Variants in CAD observed in about 807,000 individuals in gnomAD.
The protein encoded by CAD is carbamoyl-phosphate synthetase 2, aspartate transcarbamylase, and dihydroorotase.
A neutral mutation model predicts 237.2 loss-of-function variants in CAD; 81 were observed. The observed-to-expected ratio is 0.34, with a 90% CI of 0.29 to 0.41. The LOEUF (loss-of-function observed/expected upper bound fraction) is 0.41, where lower values mean the gene tolerates loss of function less well. Among genes scored for constraint, CAD ranks in the 10% least tolerant of loss-of-function variants. CAD has a pLI of 1.00. For missense variants in CAD, 2,181 were observed against 2,951.7 expected (o/e 0.74, Z 6.05); for synonymous variants, 1,196 against 1,162.8 (o/e 1.03, Z -0.58).
At chr2:27,223,352 A>C (rs1338523914) in intron 6 of CAD, among the ~76,000 whole-genome samples, 1 of 151,080 alleles carries the variant, frequency 6.6e-6, no homozygotes, top group East Asian at 1.9e-4. Context: ...AATCGCTTGA[A>C]CCTGGGAGGT....
At position 27,235,225 on chromosome 2, in the gene CAD, C is replaced by T. The variant is rs776835647; in HGVS notation, c.3787-20C>T. On this transcript the variant is annotated intron_variant, in intron 23 of 43. Coordinates refer to ENST00000264705, the MANE Select transcript of CAD (RefSeq NM_004341.5). The surrounding 1 kb of genome is among the most constrained non-coding windows in gnomAD (Gnocchi z 5.2). ...GTCCTCTCACACCTTGGCCCTCTCT[C>T]TTCCCTCCCGCCCCTTTAGGTGCCT... The T allele has an allele frequency of 6.9e-6, 11 of 1,585,592 alleles. No individual in the cohort carries two copies. Among genetic ancestry groups the T allele is most frequent in the South Asian group, 6.9e-5 (6 of 86,616 alleles).
chr2:27,218,714 C>T (rs891673355), intron 2 of CAD, among the ~76,000 whole-genome samples: 3 of 152,012 alleles, frequency 2.0e-5, no homozygotes, highest in African/African-American at 7.2e-5. Context: ...ATTCCTTCAC[C>T]TCTGAAATTT....
At position 27,242,431 on chromosome 2, in the gene CAD, AG is replaced by A; in HGVS notation, c.6222+7del. 2 of 1,612,750 alleles carry A rather than the reference AG, an allele frequency of 1.2e-6. No homozygotes were observed. The highest frequency in any genetic ancestry group is 1.7e-6 in the Non-Finnish European group (2 of 1,179,238). On this transcript the variant is annotated splice_donor_5th_base_variant and intron_variant, in intron 40 of 43. Transcript: ENST00000264705. This position sits in a 1 kb window ranked among gnomAD's most constrained non-coding sequence, Gnocchi z 6.4. ...GGGAACTGTCAATGGCATGACGGTG[AG>A]GGTGGTGGCAGGGTTTGGATCCCTG...
chr2:27,219,367 G>T (rs1675038577), intron 2 of CAD, among the ~76,000 whole-genome samples: 1 of 150,526 alleles, frequency 6.6e-6, no homozygotes, highest in African/African-American at 2.5e-5. Context: ...TTGGGGACAA[G>T]GTCTCACTTT....
chr2:27,217,962 G>T lies in CAD; in HGVS notation c.168G>T (p.Leu56=), dbSNP rs761616821. 6.2e-7 allele frequency: 1 copy of T among 1,612,564 alleles called. No homozygotes were observed. The highest frequency in any genetic ancestry group is 1.3e-5 in the African/African-American group (1 of 74,954). ...AGATCTTAGTGCTCACCTATCCTCT[G>T]ATCGGCAACTATGGCATCCCCCCAG... ...KAQILVLTYP[L]IGNYGIPPDE... is the part of the protein sequence containing the mutation. Residue 56 remains leucine, a synonymous_variant, in exon 2 of 44, where the codon CTG becomes CTT. Transcript: ENST00000264705.
intron 2 of CAD, among the ~76,000 whole-genome samples, chr2:27,220,822 G>T (rs1484032052): frequency 6.6e-6 from 1 of 152,164 alleles, no homozygotes; most frequent in Non-Finnish European, 1.5e-5. Context: ...GCCGGGTGTG[G>T]TGGCGGGCGC....
Position 27,232,249 on chromosome 2 carries a change from C to A in CAD, c.2645+25C>A, listed in dbSNP as rs760657353. The A allele has an allele frequency of 1.9e-6, 3 of 1,611,288 alleles. No individual in the cohort carries two copies. In the South Asian group the frequency reaches 3.3e-5, roughly 18 times the overall value. ...GGTCAGAGGTGGCAATGAGAGCTTC[C>A]GGCTGGGAAATGTGGGGCAGAACCT... On this transcript the variant is annotated intron_variant, in intron 17 of 43. Transcript: ENST00000264705. This position sits in a 1 kb window ranked among gnomAD's most constrained non-coding sequence, Gnocchi z 4.1.
rs1298579480 is a variant in CAD, at chr2:27,234,168, A to G, written c.3560A>G (p.His1187Arg). The change falls in exon 22 of 44, where the codon CAT becomes CGT. Residue 1187 changes from histidine to arginine, a missense_variant. Transcript: ENST00000264705. The part of the protein sequence containing the change: ...KTLERIKAIV[H>R]AVGQELQVTG... The stretch of plus-strand genomic sequence containing the variant: ...CTGGAGCGGATCAAAGCCATTGTGC[A>G]TGCTGTGGGCCAGGAGCTACAGGTC... 1.2e-6 allele frequency: 2 copies of G among 1,614,218 alleles called. No individual in the cohort carries two copies. Among genetic ancestry groups the G allele is most frequent in the Non-Finnish European group, 8.5e-7 (1 of 1,180,044 alleles).
chr2:27,238,051 C>T lies in CAD; in HGVS notation c.4729-5C>T. 1.2e-6 allele frequency: 2 copies of T among 1,614,020 alleles called. No homozygotes were observed. Among genetic ancestry groups the T allele is most frequent in the South Asian group, 1.1e-5 (1 of 91,060 alleles). ...CACTCCTTCATCAGTTCTTTCTGCT[C>T]CCAGCATTTCGAGACATGGCCCTCC... On this transcript the variant is annotated splice_region_variant and splice_polypyrimidine_tract_variant and intron_variant, in intron 29 of 43. Coordinates refer to ENST00000264705, the MANE Select transcript of CAD (RefSeq NM_004341.5).
chr2:27,237,886 G>A lies in CAD; in HGVS notation c.4728+4G>A, dbSNP rs924918877. ...CAGCGTGGTCCAGTGGATGGAGGTA[G>A]GGAGTGTGCATGTGGCAGGAGGCCA... On this transcript the variant is annotated splice_donor_region_variant and intron_variant, in intron 29 of 43. Transcript: ENST00000264705. The surrounding 1 kb of genome is among the most constrained non-coding windows in gnomAD (Gnocchi z 4.0). The A allele has an allele frequency of 6.2e-7, 1 of 1,602,972 alleles. No homozygotes were observed. The highest frequency in any genetic ancestry group is 8.5e-7 in the Non-Finnish European group (1 of 1,172,756).
chr2:27,231,586 T>C lies in CAD; in HGVS notation c.2400+6T>C. The C allele has an allele frequency of 6.4e-7, 1 of 1,566,462 alleles. No homozygotes were observed. Among genetic ancestry groups the C allele is most frequent in the Admixed American group, 1.7e-5 (1 of 59,938 alleles). ...TGAAACCAGTCAGCGATATGGTAAG[T>C]AGCTCCCCTCCCCTGGCAATACCCC... On this transcript the variant is annotated splice_donor_region_variant and intron_variant, in intron 16 of 43. Transcript: ENST00000264705.
chr2:27,238,405 T>C (rs1478089513), intron 30 of CAD, 26 bp from the exon 31 acceptor site: 1 of 1,549,128 alleles, frequency 6.5e-7, no homozygotes, highest in South Asian at 1.2e-5. Context: ...GTGGTGCCTC[T>C]TCTGGATCTT....
Position 27,217,488 on chromosome 2 carries a change from T to C in CAD, c.-64T>C. 7.3e-7 allele frequency: 1 copy of C among 1,368,466 alleles called. No individual in the cohort carries two copies. The highest frequency in any genetic ancestry group is 1.0e-6 in the Non-Finnish European group (1 of 979,240). The allele number at this position is 1,368,466 out of a possible 1,614,324, so 84.8% of individuals were successfully genotyped here. A position where few individuals can be genotyped will look rare whatever the true frequency, so the allele number is the denominator to read the frequency against. On this transcript the variant is annotated 5_prime_UTR_variant, in exon 1 of 44. Transcript: ENST00000264705. ...CTCCGGCGCGCCGTCCTCACGTGGT[T>C]CCAGTGGAGTTTGCAGTCCTTCCCG...
In CAD at chr2:27,239,758, A is replaced by C. The variant is rs1170539477; in HGVS notation, c.5456A>C (p.Gln1819Pro). The C allele has an allele frequency of 6.3e-7, 1 of 1,589,198 alleles. No individual in the cohort carries two copies. Among genetic ancestry groups the C allele is most frequent in the East Asian group, 2.2e-5 (1 of 44,634 alleles). The change falls in exon 34 of 44, where the codon CAG becomes CCG. Residue 1819 changes from glutamine (Q) to proline (P), a missense_variant. Transcript: ENST00000264705. This position sits in a 1 kb window ranked among gnomAD's most constrained non-coding sequence, Gnocchi z 4.0. ...AAGTGGCCACAGGGGGCTGTTCCTC[A>C]GCTCCCACCCTCAGCCCCTGCCACT... is the stretch of plus-strand genomic sequence containing the variant. ...VRKWPQGAVPQLPPSAPATSE... is the reference protein window; with the variant it reads ...VRKWPQGAVPPLPPSAPATSE...
In CAD at chr2:27,239,044, C is replaced by G; in HGVS notation, c.5065C>G (p.Pro1689Ala). The G allele has an allele frequency of 1.3e-6, 2 of 1,553,848 alleles. No individual in the cohort carries two copies. The highest frequency in any genetic ancestry group is 1.7e-6 in the Non-Finnish European group (2 of 1,153,262). ...GGTAATGGCTTTCTTTCTCCCAGCT[C>G]CCCATACCTTGGAGGAGAAGTGTGG... ...VIDCFASDHA[P>A]HTLEEKCGSR... Residue 1689 changes from proline (P) to alanine (A), a missense_variant and splice_region_variant, in exon 32 of 44, where the codon CCC (proline) becomes GCC (alanine). By Grantham distance (27) the Pro-to-Ala change is conservative. Transcript: ENST00000264705. The surrounding 1 kb of genome is among the most constrained non-coding windows in gnomAD (Gnocchi z 4.0).
chr2:27,239,738 G>A lies in CAD; in HGVS notation c.5436G>A (p.Trp1812Ter), dbSNP rs1208582067. Residue 1812 changes from tryptophan (W) to a stop codon, truncating the protein, a stop_gained, in exon 34 of 44, where the codon TGG becomes TGA. Transcript: ENST00000264705. LOFTEE classifies it high-confidence loss of function. This position sits in a 1 kb window ranked among gnomAD's most constrained non-coding sequence, Gnocchi z 4.0. The part of the protein sequence containing the change: ...PPGYGQDVRK[W>*]PQGAVPQLPP... ...GCTATGGACAGGATGTACGGAAGTGGCCACAGGGGGCTGTTCCTCAGCTCC... is the reference window on the plus strand; with the variant it reads ...GCTATGGACAGGATGTACGGAAGTGACCACAGGGGGCTGTTCCTCAGCTCC... 2 of 1,592,450 alleles carry A rather than the reference G, an allele frequency of 1.3e-6. No individual in the cohort carries two copies. Among genetic ancestry groups the A allele is most frequent in the African/African-American group, 1.4e-5 (1 of 74,010 alleles).
At chr2:27,227,702 A>G (rs935057044) in intron 15 of CAD, among the ~76,000 whole-genome samples, 1 of 152,360 alleles carries the variant, frequency 6.6e-6, no homozygotes, top group Admixed American at 6.5e-5. Context: ...TAGGCCAATG[A>G]AAGATTGGTT....
In CAD at chr2:27,233,700, T is replaced by C. The variant is rs780085939; in HGVS notation, c.3291T>C (p.Ala1097=). The C allele has an allele frequency of 1.9e-6, 3 of 1,614,130 alleles. No individual in the cohort carries two copies. Among genetic ancestry groups the C allele is most frequent in the South Asian group, 2.2e-5 (2 of 91,088 alleles). Residue 1097 remains alanine (A), a synonymous_variant, in exon 21 of 44, where the codon GCT becomes GCC. Coordinates refer to ENST00000264705, the MANE Select transcript of CAD (RefSeq NM_004341.5). This position sits in a 1 kb window ranked among gnomAD's most constrained non-coding sequence, Gnocchi z 6.3. ...VRPSYVLSGA[A]MNVAYTDGDL... is the part of the protein sequence containing the mutation. ...CCTCCTATGTGCTGAGCGGTGCTGCTATGAATGTGGCCTACACGGATGGAG... is the reference window on the plus strand; with the variant it reads ...CCTCCTATGTGCTGAGCGGTGCTGCCATGAATGTGGCCTACACGGATGGAG...
chr2:27,238,933 G>A, intron 31 of CAD, 109 bp from the exon 32 acceptor site: 1 of 1,051,514 alleles, frequency 9.5e-7, no homozygotes, highest in Non-Finnish European at 1.4e-6. Flanking sequence ...TGAGCATTGG[G>A]AGTGGTAGTG....
Sources: allele counts gnomAD v4.1 joint callset (sites outside exome capture counted in the v4.1 genomes callset), GRCh38; gene constraint gnomAD v4.1.1; non-coding constraint Gnocchi (gnomAD v3.1); transcripts MANE v1.5; gene names NCBI Gene and HGNC (gene_info 2026-07-23, HGNC 2026-07-21).